Variants in PCDHGA1 observed in about 807,000 individuals in gnomAD.
The protein encoded by PCDHGA1 is protocadherin gamma subfamily A, 1.
A neutral mutation model predicts 58.0 loss-of-function variants in PCDHGA1; 32 were observed. The observed-to-expected ratio is 0.55, with a 90% confidence interval of 0.42 to 0.74. The LOEUF is 0.74. Ranked by LOEUF, PCDHGA1 falls within the 30% of genes least tolerant of loss-of-function variation. The pLI, the probability that PCDHGA1 is intolerant of heterozygous loss-of-function variation, is 0.00. For missense variants in PCDHGA1, 1,205 were observed against 1,182.3 expected, an observed-to-expected ratio of 1.02 and a Z score of -0.28; for synonymous variants, 498 against 501.1, an observed-to-expected ratio of 0.99 and a Z score of 0.08.
Position 141,454,549 on chromosome 5 carries a change from G to A in PCDHGA1, c.2422-40258G>A, listed in dbSNP as rs188623155. ...AGCCTCCCAAGTAGCTGAGATTACA[G>A]GCATGTGCCACCACGCCCGGCTAAT... On this transcript the variant is annotated intron_variant, in intron 1 of 3. Transcript: ENST00000517417. Among the ~76,000 whole-genome samples, 406 of 152,154 alleles carry A rather than the reference G, an allele frequency of 2.7e-3. 2 individuals are homozygous for A. The highest frequency in any genetic ancestry group is 0.021 in the South Asian group (99 of 4,814).
At chr5:141,408,953 CTT>C in intron 1 of PCDHGA1, 1 of 1,613,552 alleles carries the variant, frequency 6.2e-7, no homozygotes, top group Non-Finnish European at 8.5e-7. Context: ...TAGAATTAGT[CTT>C]AGTGAAAATC....
chr5:141,404,695 TGCAGAGCC>T, intron 1 of PCDHGA1: 1 of 1,614,122 alleles, frequency 6.2e-7, no homozygotes, highest in Non-Finnish European at 8.5e-7. Flanking sequence ...CACCCCGCTC[TGCAGAGCC>T]TGGCTACCTG....
intron 1 of PCDHGA1, chr5:141,389,075 A>T: frequency 6.2e-7 from 1 of 1,614,066 alleles, no homozygotes; most frequent in Non-Finnish European, 8.5e-7. Context: ...CTTCTTCAAG[A>T]AACACGTATA....
At chr5:141,349,420 G>A (rs1332927767) in intron 1 of PCDHGA1, among the ~76,000 whole-genome samples, 1 of 151,986 alleles carries the variant, frequency 6.6e-6, no homozygotes, top group Non-Finnish European at 1.5e-5. Context: ...TAAAACAAAT[G>A]TACATTATAT....
chr5:141,360,463 G>T, intron 1 of PCDHGA1: 2 of 1,613,904 alleles, frequency 1.2e-6, no homozygotes, highest in Non-Finnish European at 8.5e-7. Flanking sequence ...CGATACTGTC[G>T]CTGAAAATCC....
chr5:141,501,544 G>T (rs1297191346), intron 2 of PCDHGA1, among the ~76,000 whole-genome samples: 3 of 151,962 alleles, frequency 2.0e-5, no homozygotes, highest in African/African-American at 7.3e-5. Flanking sequence ...TTGTGCATAA[G>T]ATCATAGGCC....
intron 1 of PCDHGA1, chr5:141,395,450 C>A: frequency 1.6e-6 from 1 of 643,034 alleles, no homozygotes; most frequent in Non-Finnish European, 2.5e-6. Flanking sequence ...AAAGATTGTT[C>A]AACCATTTTA....
chr5:141,384,837 C>T, intron 1 of PCDHGA1: 1 of 1,613,562 alleles, frequency 6.2e-7, no homozygotes, highest in Non-Finnish European at 8.5e-7. Flanking sequence ...TGGTGGCCGT[C>T]CAGGACCACG....
chr5:141,421,695 T>C (rs374319762), intron 1 of PCDHGA1: 15 of 1,613,840 alleles, frequency 9.3e-6, no homozygotes, highest in Non-Finnish European at 1.2e-5. Context: ...TTGCTCTTCC[T>C]AATGCTAGGG....
chr5:141,458,165 A>T lies in PCDHGA1; in HGVS notation c.2422-36642A>T, dbSNP rs10075475. On this transcript the variant is annotated intron_variant, in intron 1 of 3. Coordinates refer to ENST00000517417, the MANE Select transcript of PCDHGA1 (RefSeq NM_018912.3). Reference sequence around the variant, plus strand: ...TGAACATGCTCCAAATTTTGTTCACAGTAGTATACCTTACTTGATTATTAA... The same window carrying T: ...TGAACATGCTCCAAATTTTGTTCACTGTAGTATACCTTACTTGATTATTAA... Among the ~76,000 whole-genome samples the T allele has an allele frequency of 2.4e-3, 368 of 152,356 alleles. 2 individuals carry two copies. The highest frequency in any genetic ancestry group is 8.5e-3 in the African/African-American group (354 of 41,588).
At chr5:141,502,621 A>G (rs918589202) in intron 2 of PCDHGA1, among the ~76,000 whole-genome samples, 3 of 152,162 alleles carry the variant, frequency 2.0e-5, no homozygotes, top group African/African-American at 7.2e-5. Context: ...AAATATAAGT[A>G]ATCTGTGGAT....
intron 1 of PCDHGA1, among the ~76,000 whole-genome samples, chr5:141,461,644 A>C (rs1266858748): frequency 1.3e-5 from 2 of 151,868 alleles, no homozygotes; most frequent in Non-Finnish European, 2.9e-5. Flanking sequence ...TTCTTCTTTG[A>C]CCCATGGATT....
intron 1 of PCDHGA1, among the ~76,000 whole-genome samples, chr5:141,438,626 A>G (rs1309857700): frequency 2.3e-5 from 1 of 43,566 alleles, no homozygotes; most frequent in Non-Finnish European, 3.7e-5. Flanking sequence ...ATATATATAT[A>G]TATATATATA....
intron 3 of PCDHGA1, among the ~76,000 whole-genome samples, chr5:141,506,198 C>T (rs985517638): frequency 3.3e-5 from 5 of 152,156 alleles, no homozygotes; most frequent in Admixed American, 6.5e-5. Context: ...CGCCTGTAAT[C>T]CCAGCACTTT....
chr5:141,436,743 C>A (rs991678215), intron 1 of PCDHGA1, among the ~76,000 whole-genome samples: 3 of 152,158 alleles, frequency 2.0e-5, no homozygotes, highest in Non-Finnish European at 4.4e-5. Flanking sequence ...TTTTTGTGTG[C>A]TTCTCCATAT....
intron 1 of PCDHGA1, chr5:141,379,639 A>G (rs1775719450): frequency 6.6e-6 from 1 of 152,198 alleles, no homozygotes; most frequent in African/African-American, 2.4e-5. Context: ...CTCTGATGGA[A>G]AAACTACCAA....
chr5:141,486,090 G>T lies in PCDHGA1; in HGVS notation c.2422-8717G>T, dbSNP rs190955361. 2.5e-6 allele frequency: 4 copies of T among 1,614,086 alleles called. No individual in the cohort carries two copies. In the East Asian group the frequency reaches 8.9e-5, roughly 36 times the overall value. On this transcript the variant is annotated intron_variant, in intron 1 of 3. Transcript: ENST00000517417. This position sits in a 1 kb window ranked among gnomAD's most constrained non-coding sequence, Gnocchi z 5.0. Reference sequence around the variant, plus strand: ...ACTACTGGAAAGCTTACTCTTTTGGGGCCCCTAGACTTTGAGAGTGAGAAT... The same window carrying T: ...ACTACTGGAAAGCTTACTCTTTTGGTGCCCCTAGACTTTGAGAGTGAGAAT...
chr5:141,472,980 CAA>C (rs60579131), intron 1 of PCDHGA1, among the ~76,000 whole-genome samples: 879 of 86,072 alleles, frequency 0.01, 5 homozygotes, highest in African/African-American at 0.015. Context: ...GAGTGAAACT[CAA>C]AAAAAAAAAA....
At chr5:141,496,734 G>A (rs527288196) in intron 2 of PCDHGA1, among the ~76,000 whole-genome samples, 4 of 152,066 alleles carry the variant, frequency 2.6e-5, no homozygotes, top group Non-Finnish European at 4.4e-5. Flanking sequence ...GTATTCATTC[G>A]TTCATTTATT....
Sources: allele counts gnomAD v4.1 joint callset (sites outside exome capture counted in the v4.1 genomes callset), GRCh38; gene constraint gnomAD v4.1.1; non-coding constraint Gnocchi (gnomAD v3.1); transcripts MANE v1.5; gene names NCBI Gene and HGNC (gene_info 2026-07-23, HGNC 2026-07-21).